FOXP2: variants seen among roughly 807,000 people sequenced by gnomAD.
FOXP2 encodes the protein forkhead box P2.
A neutral mutation model predicts 115.8 loss-of-function variants in FOXP2; 12 were observed. The observed-to-expected ratio is 0.10, with a 90% CI of 0.07 to 0.17. The LOEUF (loss-of-function observed/expected upper bound fraction) is 0.17, where lower values mean the gene tolerates loss of function less well. FOXP2 is among the 10% of genes least tolerant of loss of function. FOXP2 has a pLI of 1.00. For synonymous variants in FOXP2, 328 were observed against 297.7 expected (o/e 1.10, Z -1.05); for missense variants, 629 against 843.5 (o/e 0.75, Z 3.15).
At chr7:114,664,761 A>G (rs1463938094) in intron 16 of FOXP2, 6 of 338,662 alleles carry the variant, frequency 1.8e-5, no homozygotes, top group Admixed American at 1.7e-4. Context: ...TGTATGGTGC[A>G]ATAAGAATAT....
intron 3 of FOXP2, among the ~76,000 whole-genome samples, chr7:114,620,187 G>A (rs947673576): frequency 3.9e-5 from 6 of 151,942 alleles, no homozygotes; most frequent in East Asian, 1.9e-4. Context: ...GGAGTTCATC[G>A]CTACACTACA....
chr7:114,549,182 CT>C (rs1562991904), intron 3 of FOXP2, among the ~76,000 whole-genome samples: 1 of 152,204 alleles, frequency 6.6e-6, no homozygotes, highest in Non-Finnish European at 1.5e-5. Context: ...GATCCAGATA[CT>C]TTGCCCCAGT....
intron 1 of FOXP2, among the ~76,000 whole-genome samples, chr7:114,145,251 T>TA (rs1266518797): frequency 6.6e-6 from 1 of 152,174 alleles, no homozygotes; most frequent in Non-Finnish European, 1.5e-5. Context: ...TGACTAATAA[T>TA]AAAGGATACA....
At chr7:114,254,680 A>G (rs765439921) in intron 1 of FOXP2, among the ~76,000 whole-genome samples, 8 of 152,124 alleles carry the variant, frequency 5.3e-5, no homozygotes, top group Non-Finnish European at 1.0e-4. Flanking sequence ...TGGTTATTCT[A>G]GTTAGCCATT....
intron 1 of FOXP2, among the ~76,000 whole-genome samples, chr7:114,228,502 G>T (rs989185597): frequency 6.6e-6 from 1 of 151,896 alleles, no homozygotes; most frequent in African/African-American, 2.4e-5. Context: ...TTTTAGGAAT[G>T]TTTGATTTCA....
chr7:114,331,824 T>C (rs1030706377), intron 2 of FOXP2, among the ~76,000 whole-genome samples: 19 of 152,206 alleles, frequency 1.2e-4, no homozygotes, highest in Admixed American at 1.1e-3. Flanking sequence ...TTTTGTATTT[T>C]TACTATAGAT....
intron 3 of FOXP2, among the ~76,000 whole-genome samples, chr7:114,542,712 G>T (rs1283422815): frequency 6.6e-6 from 1 of 151,962 alleles, no homozygotes; most frequent in Admixed American, 6.6e-5. Flanking sequence ...GATTATTTTA[G>T]TAATGCTGAA....
At chr7:114,107,778 T>C (rs1240152879) in intron 1 of FOXP2, among the ~76,000 whole-genome samples, 1 of 151,918 alleles carries the variant, frequency 6.6e-6, no homozygotes, top group Admixed American at 6.6e-5. Flanking sequence ...TTCATTTTGA[T>C]TGGGAATAAT....
At chr7:114,601,338 T>C (rs1803014882) in intron 3 of FOXP2, among the ~76,000 whole-genome samples, 1 of 152,200 alleles carries the variant, frequency 6.6e-6, no homozygotes, top group African/African-American at 2.4e-5. Flanking sequence ...ATTTTTTAAA[T>C]GGATCAGCCT....
At chr7:114,654,988 C>T (rs1806492327) in intron 10 of FOXP2, among the ~76,000 whole-genome samples, 1 of 152,020 alleles carries the variant, frequency 6.6e-6, no homozygotes. Flanking sequence ...CTCTGCTAAG[C>T]TATTTCTGCT....
chr7:114,536,097 G>A (rs1202134684), intron 3 of FOXP2, among the ~76,000 whole-genome samples: 1 of 151,472 alleles, frequency 6.6e-6, no homozygotes, highest in Non-Finnish European at 1.5e-5. Flanking sequence ...AGTCACAGAA[G>A]ATAGCAAATG....
At chr7:114,124,828 G>C (rs1035943822) in intron 1 of FOXP2, among the ~76,000 whole-genome samples, 2 of 151,222 alleles carry the variant, frequency 1.3e-5, no homozygotes, top group Non-Finnish European at 2.9e-5. Context: ...ACATCATTAT[G>C]TCATCTAAAT....
intron 3 of FOXP2, among the ~76,000 whole-genome samples, chr7:114,605,423 T>G (rs550163772): frequency 5.3e-5 from 8 of 152,318 alleles, no homozygotes; most frequent in African/African-American, 1.9e-4. Flanking sequence ...AAAAGCATTT[T>G]GCCAGATTGT....
intron 14 of FOXP2, 149 bp from the exon 15 acceptor site, chr7:114,663,301 C>G (rs541786344): frequency 3.3e-6 from 2 of 611,380 alleles, no homozygotes; most frequent in Admixed American, 5.8e-5. Flanking sequence ...TATATTTGAA[C>G]TCTATTACCT....
intron 2 of FOXP2, 22 bp downstream of exon 2, chr7:114,426,701 G>A: frequency 6.2e-7 from 1 of 1,608,868 alleles, no homozygotes; most frequent in Non-Finnish European, 8.5e-7. Flanking sequence ...TTTCCTCAGT[G>A]CTTCCTTAAA....
intron 3 of FOXP2, among the ~76,000 whole-genome samples, chr7:114,597,211 T>C (rs1287494609): frequency 2.0e-5 from 3 of 152,188 alleles, no homozygotes; most frequent in East Asian, 1.9e-4. Context: ...TTACTAACTC[T>C]AGAAATGAAA....
chr7:114,662,056 C>T lies in FOXP2; in HGVS notation c.1648-9C>T, dbSNP rs779514359. On this transcript the variant is annotated splice_polypyrimidine_tract_variant and intron_variant, in intron 13 of 16. Coordinates refer to ENST00000350908, the MANE Select transcript of FOXP2 (RefSeq NM_014491.4). Reference sequence around the variant, plus strand: ...TTTGCCATTTTTTCTTCTCTTCTGTCTGCTTTAGAATGCAGTACGTCATAA... The same window carrying T: ...TTTGCCATTTTTTCTTCTCTTCTGTTTGCTTTAGAATGCAGTACGTCATAA... 6.2e-7 allele frequency: 1 copy of T among 1,612,312 alleles called. No homozygotes were observed. Among genetic ancestry groups the T allele is most frequent in the Admixed American group, 1.7e-5 (1 of 59,864 alleles).
chr7:114,673,763 G>A (rs1200912627), intron 16 of FOXP2, among the ~76,000 whole-genome samples: 5 of 151,996 alleles, frequency 3.3e-5, no homozygotes, highest in Admixed American at 1.3e-4. Context: ...GCATTGGCAC[G>A]ATGTCAGCTC....
At chr7:114,630,915 G>A (rs1445925591) in intron 5 of FOXP2, 1 of 153,602 alleles carries the variant, frequency 6.5e-6, no homozygotes, top group Non-Finnish European at 1.4e-5. Flanking sequence ...CATACCCTCT[G>A]GAGTCCAAAG....
Sources: allele counts gnomAD v4.1 joint callset (sites outside exome capture counted in the v4.1 genomes callset), GRCh38; gene constraint gnomAD v4.1.1; transcripts MANE v1.5; gene names NCBI Gene and HGNC (gene_info 2026-07-23, HGNC 2026-07-21).